Variants in ENOX1 observed in about 807,000 individuals in gnomAD.
ENOX1 encodes candidate growth-related and time keeping constitutive hydroquinone (NADH) oxidase.
In ENOX1, 42 loss-of-function variants were observed where a neutral mutation model predicts 82.5. That is an observed-to-expected ratio of 0.51 (90% confidence interval 0.40 to 0.66). The LOEUF is 0.66. Among genes scored for constraint, ENOX1 ranks in the 30% least tolerant of loss-of-function variants. ENOX1 has a pLI of 0.00. For missense variants in ENOX1, 608 were observed against 811.6 expected, an observed-to-expected ratio of 0.75 and a Z score of 3.05; for synonymous variants, 271 against 282.2, an observed-to-expected ratio of 0.96 and a Z score of 0.40.
At chr13:43,629,059 C>A (rs951756412) in intron 2 of ENOX1, among the ~76,000 whole-genome samples, 1 of 152,130 alleles carries the variant, frequency 6.6e-6, no homozygotes, top group Non-Finnish European at 1.5e-5. Flanking sequence ...GATACTGCAG[C>A]ATGAATGAGG....
At position 43,586,861 on chromosome 13, in the gene ENOX1, G is replaced by A. The variant is rs932184603; in HGVS notation, c.-219+80618C>T. ...AGGTGGATCACGAGATCAGGAGATC[G>A]AGACCCTCCTGGACAACATGGTGAA... is the stretch of plus-strand genomic sequence containing the variant. On this transcript the variant is annotated intron_variant, in intron 2 of 16. Coordinates refer to ENST00000690772, the MANE Select transcript of ENOX1 (RefSeq NM_001347969.2). Among the ~76,000 whole-genome samples, 11 of 151,440 alleles carry A rather than the reference G, an allele frequency of 7.3e-5. 1 individual carries two copies. The East Asian group carries it at 1.9e-3, about 27-fold the overall frequency.
At chr13:43,534,466 GA>G (rs1016550869) in intron 2 of ENOX1, among the ~76,000 whole-genome samples, 6 of 151,316 alleles carry the variant, frequency 4.0e-5, no homozygotes, top group African/African-American at 4.9e-5. Context: ...ATGAAAAAAG[GA>G]AAAAAAACAA....
chr13:43,542,842 G>A (rs532085104), intron 2 of ENOX1, among the ~76,000 whole-genome samples: 2 of 152,294 alleles, frequency 1.3e-5, no homozygotes, highest in African/African-American at 4.8e-5. Context: ...GGAAGTCCAA[G>A]ATTCAATTCC....
intron 8 of ENOX1, among the ~76,000 whole-genome samples, chr13:43,350,090 A>G (rs1016418757): frequency 6.6e-6 from 1 of 152,226 alleles, no homozygotes; most frequent in Non-Finnish European, 1.5e-5. Context: ...TAGAACATAA[A>G]TTGTGGCAAA....
At chr13:43,333,173 A>G in intron 9 of ENOX1, among the ~76,000 whole-genome samples, 1 of 152,226 alleles carries the variant, frequency 6.6e-6, no homozygotes, top group Non-Finnish European at 1.5e-5. Flanking sequence ...CCTTACATAA[A>G]TATCTTTATA....
intron 3 of ENOX1, among the ~76,000 whole-genome samples, chr13:43,473,628 A>C (rs962820632): frequency 6.6e-6 from 1 of 152,188 alleles, no homozygotes; most frequent in African/African-American, 2.4e-5. Context: ...CAGCATACGC[A>C]CTCATCTCTG....
chr13:43,365,289 G>A (rs746779955), intron 5 of ENOX1, among the ~76,000 whole-genome samples: 56 of 152,190 alleles, frequency 3.7e-4, no homozygotes, highest in Non-Finnish European at 6.6e-4. Flanking sequence ...GGTTAGGTGT[G>A]GGCAGGGAGG....
intron 12 of ENOX1, among the ~76,000 whole-genome samples, chr13:43,289,446 G>A (rs997608225): frequency 2.0e-5 from 3 of 151,996 alleles, no homozygotes; most frequent in South Asian, 2.1e-4. Flanking sequence ...ATATTTGACA[G>A]GACTGACAAA....
At chr13:43,344,187 G>T (rs1431180161) in intron 9 of ENOX1, among the ~76,000 whole-genome samples, 2 of 152,180 alleles carry the variant, frequency 1.3e-5, no homozygotes, top group African/African-American at 4.8e-5. Flanking sequence ...GGACATAGGG[G>T]TCTGTGCGGA....
At chr13:43,767,512 C>T (rs961647569) in intron 1 of ENOX1, among the ~76,000 whole-genome samples, 3 of 152,178 alleles carry the variant, frequency 2.0e-5, no homozygotes, top group African/African-American at 7.2e-5. Flanking sequence ...GCAATTGCCT[C>T]ACGCCAAGGA....
At chr13:43,370,983 C>T (rs964294580) in intron 5 of ENOX1, among the ~76,000 whole-genome samples, 1 of 151,976 alleles carries the variant, frequency 6.6e-6, no homozygotes, top group Non-Finnish European at 1.5e-5. Context: ...GATCAGCCAG[C>T]GATGCACACG....
chr13:43,633,198 A>G (rs1051463664), intron 2 of ENOX1, among the ~76,000 whole-genome samples: 1 of 152,242 alleles, frequency 6.6e-6, no homozygotes, highest in South Asian at 2.1e-4. Context: ...GGAATTATAA[A>G]TTATTTGCCA....
At chr13:43,503,654 T>C (rs1248597754) in intron 2 of ENOX1, among the ~76,000 whole-genome samples, 1 of 151,612 alleles carries the variant, frequency 6.6e-6, no homozygotes, top group Non-Finnish European at 1.5e-5. Context: ...GACATCCATA[T>C]ACAACAGAAT....
rs190231133 is a variant in ENOX1 at position 43,334,982 on chromosome 13, A to G, written c.1037-8457T>C. On this transcript the variant is annotated intron_variant, in intron 9 of 16. Transcript: ENST00000690772. Reference sequence around the variant, plus strand: ...TCTGTGTTGGTCAAGTCTTAGCTCCATCGCTAACTAGCTGTGTGACCTGAA... The same window carrying G: ...TCTGTGTTGGTCAAGTCTTAGCTCCGTCGCTAACTAGCTGTGTGACCTGAA... Among the ~76,000 whole-genome samples the G allele has an allele frequency of 3.5e-4, 54 of 152,324 alleles. 1 individual carries two copies. In the East Asian group the frequency reaches 7.1e-3, roughly 20 times the overall value.
At chr13:43,407,427 T>C (rs1268280654) in intron 5 of ENOX1, among the ~76,000 whole-genome samples, 1 of 152,258 alleles carries the variant, frequency 6.6e-6, no homozygotes, top group South Asian at 2.1e-4. Flanking sequence ...GTTTGTTTTT[T>C]AATTAATTTT....
intron 3 of ENOX1, among the ~76,000 whole-genome samples, chr13:43,447,871 T>C (rs780622437): frequency 6.6e-6 from 1 of 152,218 alleles, no homozygotes; most frequent in Non-Finnish European, 1.5e-5. Context: ...GTTCCTTTCA[T>C]ACAAAACATA....
chr13:43,719,346 C>CAT (rs1491332374), intron 1 of ENOX1, among the ~76,000 whole-genome samples: 2 of 149,982 alleles, frequency 1.3e-5, no homozygotes, highest in African/African-American at 2.5e-5. Context: ...CACACACACA[C>CAT]ACCAGCAATC....
At chr13:43,740,836 G>A (rs554778305) in intron 1 of ENOX1, among the ~76,000 whole-genome samples, 20 of 152,130 alleles carry the variant, frequency 1.3e-4, no homozygotes, top group Admixed American at 5.9e-4. Context: ...TCTTTTTATC[G>A]ATGAATAATA....
intron 2 of ENOX1, among the ~76,000 whole-genome samples, chr13:43,620,705 T>C (rs573376888): frequency 2.0e-5 from 3 of 152,324 alleles, no homozygotes; most frequent in African/African-American, 4.8e-5. Context: ...CACTGTTGAA[T>C]AGAATGTGTA....
Sources: allele counts gnomAD v4.1 joint callset (sites outside exome capture counted in the v4.1 genomes callset), GRCh38; gene constraint gnomAD v4.1.1; transcripts MANE v1.5; gene names NCBI Gene and HGNC (gene_info 2026-07-23, HGNC 2026-07-21).